The following SPATA16 variants were observed in gnomAD, a reference collection of about 807,000 sequenced individuals.
SPATA16 encodes the protein spermatogenesis-associated protein 16.
A neutral mutation model predicts 63.3 loss-of-function variants in SPATA16; 36 were observed. The ratio of observed to expected loss-of-function variants is 0.57; its 90% CI spans 0.44 to 0.75. The LOEUF (loss-of-function observed/expected upper bound fraction) is 0.75. SPATA16 is among the 30% of genes least tolerant of loss of function. The probability of loss-of-function intolerance (pLI) is 0.00; values close to 1 mark genes in which losing one functional copy is unlikely to be tolerated. For synonymous variants in SPATA16, 203 were observed against 216.7 expected, an observed-to-expected ratio of 0.94 and a Z score of 0.56; for missense variants, 646 against 679.3, an observed-to-expected ratio of 0.95 and a Z score of 0.54.
chr3:172,990,803 T>C (rs1038405128), intron 4 of SPATA16, among the ~76,000 whole-genome samples: 3 of 152,150 alleles, frequency 2.0e-5, no homozygotes, highest in Non-Finnish European at 4.4e-5. Flanking sequence ...ATATCTCTCA[T>C]GAAGAAGCAG....
intron 8 of SPATA16, among the ~76,000 whole-genome samples, chr3:172,922,806 C>T (rs575517778): frequency 1.1e-4 from 16 of 152,276 alleles, no homozygotes; most frequent in Admixed American, 2.0e-4. Flanking sequence ...GCTGTAATCC[C>T]GGCTACTCTG....
At chr3:173,004,134 A>G (rs548282009) in intron 4 of SPATA16, among the ~76,000 whole-genome samples, 1 of 152,318 alleles carries the variant, frequency 6.6e-6, no homozygotes, top group South Asian at 2.1e-4. Context: ...AGATTAATTT[A>G]TGTGCATAAT....
intron 9 of SPATA16, among the ~76,000 whole-genome samples, chr3:172,914,497 G>T (rs1471819059): frequency 4.6e-5 from 7 of 152,056 alleles, no homozygotes; most frequent in Admixed American, 4.6e-4. Context: ...TCTTTCTTTG[G>T]TTTAGATATT....
chr3:172,963,755 A>G (rs1308839636), intron 5 of SPATA16, among the ~76,000 whole-genome samples: 1 of 152,124 alleles, frequency 6.6e-6, no homozygotes, highest in Non-Finnish European at 1.5e-5. Context: ...GAAAGGATCT[A>G]AAATATTATT....
intron 6 of SPATA16, among the ~76,000 whole-genome samples, chr3:172,944,387 G>A (rs13318481): frequency 6.6e-6 from 1 of 152,192 alleles, no homozygotes; most frequent in Non-Finnish European, 1.5e-5. Flanking sequence ...TGGGGAAATT[G>A]GAACACTCGT....
At chr3:173,048,022 CT>C (rs1331157182) in intron 3 of SPATA16, among the ~76,000 whole-genome samples, 1 of 152,030 alleles carries the variant, frequency 6.6e-6, no homozygotes, top group East Asian at 1.9e-4. Context: ...TTTTACCATA[CT>C]AATAAATCTC....
At chr3:172,959,841 G>T (rs1162863743) in intron 5 of SPATA16, among the ~76,000 whole-genome samples, 1 of 143,112 alleles carries the variant, frequency 7.0e-6, no homozygotes, top group Admixed American at 6.9e-5. Flanking sequence ...GGTATTGAAT[G>T]GCATTATTGA....
intron 3 of SPATA16, among the ~76,000 whole-genome samples, chr3:173,027,137 T>C (rs1735470883): frequency 6.6e-6 from 1 of 151,944 alleles, no homozygotes; most frequent in African/African-American, 2.4e-5. Context: ...CAAACTTCAT[T>C]AGATTTATTC....
At chr3:173,137,750 G>A (rs1033147441) in intron 1 of SPATA16, among the ~76,000 whole-genome samples, 3 of 150,754 alleles carry the variant, frequency 2.0e-5, no homozygotes, top group Non-Finnish European at 4.4e-5. Flanking sequence ...CAATACCTAA[G>A]AAGGTTCAGA....
chr3:172,999,722 C>G (rs1734775079), intron 4 of SPATA16, among the ~76,000 whole-genome samples: 1 of 152,116 alleles, frequency 6.6e-6, no homozygotes, highest in Non-Finnish European at 1.5e-5. Flanking sequence ...CCCCCTATTT[C>G]ATTTCTGATA....
rs555087752 is a variant in SPATA16, at chr3:172,956,526, A to G, written c.1081+151T>C. The G allele has an allele frequency of 7.3e-5, 55 of 749,048 alleles. No individual in the cohort carries two copies. The East Asian group carries it at 1.5e-3, about 20-fold the overall frequency. 46.4% of individuals were successfully genotyped at this position (749,048 alleles called of 1,614,324 possible). A position where few individuals can be genotyped will look rare whatever the true frequency, so the allele number is the denominator to read the frequency against. On this transcript the variant is annotated intron_variant, in intron 6 of 10. Coordinates refer to ENST00000351008, the MANE Select transcript of SPATA16 (RefSeq NM_031955.6). ...GAACTATAAGGCTATCCTTATTTAA[A>G]ACCTTAAAAATTTCTTTCCGTTTCA...
chr3:172,946,030 C>G (rs1006181200), intron 6 of SPATA16, among the ~76,000 whole-genome samples: 1 of 152,156 alleles, frequency 6.6e-6, no homozygotes, highest in African/African-American at 2.4e-5. Context: ...AAGACTTTGT[C>G]TTGCAACTTG....
intron 1 of SPATA16, among the ~76,000 whole-genome samples, chr3:173,137,055 A>G (rs1438357829): frequency 1.3e-5 from 2 of 152,222 alleles, no homozygotes; most frequent in Non-Finnish European, 2.9e-5. Flanking sequence ...ACATTTCAAC[A>G]TTAGTAGAAA....
chr3:172,903,782 A>T (rs753270048), intron 10 of SPATA16, among the ~76,000 whole-genome samples: 4 of 152,216 alleles, frequency 2.6e-5, no homozygotes, highest in Admixed American at 2.0e-4. Flanking sequence ...ATCATGATTC[A>T]GGGAAGTGCA....
At chr3:173,040,430 A>G (rs1189684490) in intron 3 of SPATA16, among the ~76,000 whole-genome samples, 1 of 152,156 alleles carries the variant, frequency 6.6e-6, no homozygotes, top group African/African-American at 2.4e-5. Context: ...AAGTGGACGT[A>G]TTTTAGTAGA....
intron 6 of SPATA16, among the ~76,000 whole-genome samples, chr3:172,930,939 C>T (rs1198872379): frequency 2.0e-5 from 3 of 152,180 alleles, no homozygotes. Flanking sequence ...TCTCCTGCCT[C>T]AGCCTCCTGA....
chr3:172,975,975 T>C (rs1734150718), intron 5 of SPATA16, among the ~76,000 whole-genome samples: 1 of 152,088 alleles, frequency 6.6e-6, no homozygotes. Context: ...TTGATGATTA[T>C]TTCTTACTTT....
intron 2 of SPATA16, among the ~76,000 whole-genome samples, chr3:173,095,006 T>TCTA (rs774136705): frequency 1.1e-4 from 16 of 152,186 alleles, no homozygotes; most frequent in Non-Finnish European, 1.9e-4. Flanking sequence ...TGTAAAGGGC[T>TCTA]CTACTGCTAA....
In SPATA16 at chr3:172,977,539, CCAATT is replaced by C. The variant is rs1734193436; in HGVS notation, c.849-492_849-488del. Among the ~76,000 whole-genome samples, 5 of 152,148 alleles carry C rather than the reference CCAATT, an allele frequency of 3.3e-5. No individual in the cohort carries two copies. In the South Asian group the frequency reaches 6.2e-4, roughly 19 times the overall value. ...CTGAAAACAGAAAATAAAAAAATCT[CCAATT>C]CAAGGAAGAATCCTCTCCCCACAGA... On this transcript the variant is annotated intron_variant, in intron 4 of 10. Transcript: ENST00000351008.
Sources: gnomAD v4.1 joint callset for allele counts (sites outside exome capture counted in the v4.1 genomes callset) on GRCh38, gnomAD v4.1.1 for gene constraint, MANE v1.5 for transcripts, NCBI Gene and HGNC (gene_info 2026-07-23, HGNC 2026-07-21) for gene names.